LPAR6: variants seen among roughly 807,000 people sequenced by gnomAD.
The protein encoded by LPAR6 is lysophosphatidic acid receptor 6.
LPAR6 carries 17 observed loss-of-function variants against 22.0 expected under a neutral mutation model. The observed-to-expected ratio is 0.77, with a 90% CI of 0.53 to 1.16. The LOEUF (loss-of-function observed/expected upper bound fraction) is 1.16, where lower values mean the gene tolerates loss of function less well. LPAR6 is among the 50% of genes most tolerant of loss of function. The probability of loss-of-function intolerance (pLI) is 0.00; values close to 1 mark genes in which losing one functional copy is unlikely to be tolerated. For synonymous variants in LPAR6, 136 were observed against 139.8 expected, an observed-to-expected ratio of 0.97 and a Z score of 0.19; for missense variants, 384 against 406.9, an observed-to-expected ratio of 0.94 and a Z score of 0.48.
chr13:48,423,066 G>T (rs1949029593), intron 1 of LPAR6, among the ~76,000 whole-genome samples: 1 of 151,990 alleles, frequency 6.6e-6, no homozygotes, highest in African/African-American at 2.4e-5. Flanking sequence ...GGAGATTGAG[G>T]CTGCATTGAG....
At chr13:48,403,549 C>A (rs989338686) in intron 1 of LPAR6, among the ~76,000 whole-genome samples, 4 of 152,102 alleles carry the variant, frequency 2.6e-5, no homozygotes, top group African/African-American at 7.2e-5. Context: ...CTTAGAGAGC[C>A]CCCAAGCTCA....
At chr13:48,405,639 G>A (rs943467158) in intron 1 of LPAR6, among the ~76,000 whole-genome samples, 2 of 152,124 alleles carry the variant, frequency 1.3e-5, no homozygotes, top group Non-Finnish European at 2.9e-5. Context: ...CCTGCAAACC[G>A]AAAATATTTA....
intron 1 of LPAR6, among the ~76,000 whole-genome samples, chr13:48,403,203 T>G (rs933161930): frequency 3.9e-5 from 6 of 152,168 alleles, no homozygotes; most frequent in African/African-American, 1.4e-4. Context: ...ACTTTTTGTG[T>G]AACTTGGATT....
intron 1 of LPAR6, among the ~76,000 whole-genome samples, chr13:48,395,409 G>C (rs1158057675): frequency 6.6e-6 from 1 of 152,094 alleles, no homozygotes. Flanking sequence ...GGCTTCAGAA[G>C]GTGGGTAATA....
intron 1 of LPAR6, among the ~76,000 whole-genome samples, chr13:48,390,190 A>C (rs1011445186): frequency 1.3e-5 from 2 of 152,184 alleles, no homozygotes; most frequent in Non-Finnish European, 2.9e-5. Flanking sequence ...CAAACAAACA[A>C]AAAGTAACAG....
chr13:48,441,819 T>C (rs1394988815), intron 1 of LPAR6, among the ~76,000 whole-genome samples: 1 of 152,174 alleles, frequency 6.6e-6, no homozygotes, highest in Non-Finnish European at 1.5e-5. Context: ...CATTCTGTGG[T>C]ATAGAGATCC....
chr13:48,432,354 A>G (rs1224620678), intron 1 of LPAR6, among the ~76,000 whole-genome samples: 2 of 152,030 alleles, frequency 1.3e-5, no homozygotes, highest in African/African-American at 4.8e-5. Flanking sequence ...ACTTGGTAAG[A>G]TTCTACATTT....
chr13:48,393,180 C>G (rs1948623976), intron 1 of LPAR6, among the ~76,000 whole-genome samples: 1 of 152,200 alleles, frequency 6.6e-6, no homozygotes, highest in Admixed American at 6.5e-5. Flanking sequence ...TGAGTAGTAT[C>G]ATCACATCCA....
intron 1 of LPAR6, among the ~76,000 whole-genome samples, chr13:48,443,159 C>G (rs1949254409): frequency 6.6e-6 from 1 of 151,498 alleles, no homozygotes; most frequent in African/African-American, 2.4e-5. Flanking sequence ...AAAAATATCT[C>G]CTCTTAGTCT....
intron 2 of LPAR6, among the ~76,000 whole-genome samples, chr13:48,419,147 T>A (rs1948964624): frequency 6.6e-6 from 1 of 151,992 alleles, no homozygotes; most frequent in South Asian, 2.1e-4. Context: ...AGTAAAACAC[T>A]CCTCAACAAA....
chr13:48,435,509 G>A (rs1206588962), intron 1 of LPAR6, among the ~76,000 whole-genome samples: 4 of 151,868 alleles, frequency 2.6e-5, no homozygotes, highest in East Asian at 3.9e-4. Flanking sequence ...TTTTCTCTTG[G>A]CCTGTAGCTT....
upstream of LPAR6, among the ~76,000 whole-genome samples, chr13:48,430,857 A>T (rs564126436): frequency 1.8e-4 from 27 of 152,298 alleles, no homozygotes; most frequent in Admixed American, 9.8e-4. Flanking sequence ...GGAGCCCAGG[A>T]GTTTGGGGCT....
chr13:48,426,213 T>A (rs1185355004), intron 1 of LPAR6, among the ~76,000 whole-genome samples: 1 of 152,194 alleles, frequency 6.6e-6, no homozygotes, highest in East Asian at 1.9e-4. Flanking sequence ...ATTCTGAATG[T>A]AAACCTCTAA....
chr13:48,424,379 G>C (rs1223387949), intron 1 of LPAR6, among the ~76,000 whole-genome samples: 3 of 152,118 alleles, frequency 2.0e-5, no homozygotes, highest in Non-Finnish European at 2.9e-5. Context: ...TCAAAGAGTT[G>C]AACCAACTTT....
At chr13:48,399,466 A>G (rs995445386) in intron 1 of LPAR6, among the ~76,000 whole-genome samples, 1 of 152,064 alleles carries the variant, frequency 6.6e-6, no homozygotes, top group Non-Finnish European at 1.5e-5. Flanking sequence ...CATATGAATA[A>G]TCATCCACTG....
intron 1 of LPAR6, among the ~76,000 whole-genome samples, chr13:48,443,397 T>A (rs1949257086): frequency 6.6e-6 from 1 of 152,066 alleles, no homozygotes; most frequent in African/African-American, 2.4e-5. Context: ...GAGTTTTAGT[T>A]TTAATATCTA....
At chr13:48,410,289 A>G (rs944521313), downstream of LPAR6, among the ~76,000 whole-genome samples, 13 of 152,242 alleles carry the variant, frequency 8.5e-5, no homozygotes, top group African/African-American at 3.1e-4. Context: ...ATTTAGATAC[A>G]CAAGTACCAT....
At chr13:48,393,530 G>A (rs964379042) in intron 1 of LPAR6, among the ~76,000 whole-genome samples, 16 of 152,158 alleles carry the variant, frequency 1.1e-4, no homozygotes, top group African/African-American at 3.9e-4. Context: ...CAATTTTGTG[G>A]TTGTTTAAAC....
chr13:48,396,524 C>A (rs1377997620), intron 1 of LPAR6, among the ~76,000 whole-genome samples: 3 of 151,930 alleles, frequency 2.0e-5, no homozygotes, highest in Admixed American at 2.0e-4. Context: ...TTAAACATAA[C>A]ACCTAAAACC....
Sources: allele counts gnomAD v4.1 joint callset (sites outside exome capture counted in the v4.1 genomes callset), GRCh38; gene constraint gnomAD v4.1.1; transcripts MANE v1.5; gene names NCBI Gene and HGNC (gene_info 2026-07-23, HGNC 2026-07-21).